Variants in EPHA3 observed in about 807,000 individuals in gnomAD.
The protein encoded by EPHA3 is EPH receptor A3, also known as ephrin type-A receptor 3.
Under a neutral mutation model 107.1 loss-of-function variants are expected in EPHA3, and 42 were observed. The observed-to-expected ratio is 0.39, with a 90% CI of 0.31 to 0.51. EPHA3 has a LOEUF of 0.51. EPHA3 is among the 20% of genes least tolerant of loss of function. The pLI, the probability that EPHA3 is intolerant of heterozygous loss-of-function variation, is 0.78. For synonymous variants in EPHA3, 461 were observed against 424.8 expected (o/e 1.09, Z -1.05); for missense variants, 1,183 against 1,211.2 (o/e 0.98, Z 0.35).
At chr3:89,399,547 A>G (rs1404060452) in intron 7 of EPHA3, 67 bp downstream of exon 7, 5 of 1,584,100 alleles carry the variant, frequency 3.2e-6, no homozygotes, top group South Asian at 1.1e-5. Flanking sequence ...CTGATCGTTT[A>G]TTCTCACTGT....
intron 3 of EPHA3, among the ~76,000 whole-genome samples, chr3:89,306,463 A>T (rs760617119): frequency 6.6e-6 from 1 of 152,190 alleles, no homozygotes; most frequent in Non-Finnish European, 1.5e-5. Flanking sequence ...TAATGTTAAC[A>T]GTGGCTTTCA....
At chr3:89,323,738 T>C (rs1018565217) in intron 3 of EPHA3, among the ~76,000 whole-genome samples, 2 of 152,118 alleles carry the variant, frequency 1.3e-5, no homozygotes, top group Non-Finnish European at 2.9e-5. Flanking sequence ...TCAGTAAAGA[T>C]AGTTTATTTT....
rs1704786717 is a variant in EPHA3, at chr3:89,155,653, A to C, written c.153+28380A>C. ...ACAAATATCATTTATAAAAGCTAAA[A>C]AGTAAAGCAAAATAACTACTGTTTT... is the stretch of plus-strand genomic sequence containing the variant. On this transcript the variant is annotated intron_variant, in intron 2 of 16. Coordinates refer to ENST00000336596, the MANE Select transcript of EPHA3 (RefSeq NM_005233.6). Among the ~76,000 whole-genome samples, 3 of 152,126 alleles carry C rather than the reference A, an allele frequency of 2.0e-5. No homozygotes were observed. The South Asian group carries it at 6.2e-4, about 31-fold the overall frequency.
intron 3 of EPHA3, among the ~76,000 whole-genome samples, chr3:89,222,407 A>G (rs1255039653): frequency 6.7e-6 from 1 of 148,204 alleles, no homozygotes; most frequent in Non-Finnish European, 1.5e-5. Context: ...ACATATATGT[A>G]CACACACATG....
At position 89,389,305 on chromosome 3, in the gene EPHA3, C is replaced by T. The variant is rs577016584; in HGVS notation, c.1307-6532C>T. 2.6e-5 allele frequency among the ~76,000 whole-genome samples: 4 copies of T among 152,266 alleles called. No homozygotes were observed. The South Asian group carries it at 8.3e-4, about 32-fold the overall frequency. On this transcript the variant is annotated intron_variant, in intron 5 of 16. Transcript: ENST00000336596. ...AAAAAACTGAGAAGGAAATGTTCCT[C>T]AGTAGGCATTGTAATGAATGGTAAA...
At chr3:89,269,517 C>A (rs1253380313) in intron 3 of EPHA3, among the ~76,000 whole-genome samples, 1 of 151,934 alleles carries the variant, frequency 6.6e-6, no homozygotes, top group African/African-American at 2.4e-5. Flanking sequence ...TTTACGTGAT[C>A]CTCAGTGATC....
Position 89,479,474 on chromosome 3 carries a change from A to C in EPHA3, c.2924A>C (p.Gln975Pro), listed in dbSNP as rs755942381. 6.2e-7 allele frequency: 1 copy of C among 1,614,136 alleles called. No individual in the cohort carries two copies. Among genetic ancestry groups the C allele is most frequent in the Non-Finnish European group, 8.5e-7 (1 of 1,180,004 alleles). The change falls in exon 17 of 17, where the codon CAA (glutamine) becomes CCA (proline). Residue 975 changes from glutamine (Q) to proline (P), a missense_variant. By Grantham distance (76) the Gln-to-Pro change is moderately conservative. Transcript: ENST00000336596. ...AGTAGCATTAAAGCTCTAGAAACGC[A>C]ATCAAAGAATGGCCCAGTTCCCGTG... ...IISSIKALET[Q>P]SKNGPVPV
At chr3:89,432,409 G>T (rs1210701285) in intron 13 of EPHA3, among the ~76,000 whole-genome samples, 11 of 151,770 alleles carry the variant, frequency 7.2e-5, no homozygotes, top group African/African-American at 2.2e-4. Context: ...TTTAGGCAGG[G>T]TCTCACTCTG....
chr3:89,401,906 C>A (rs190883588), intron 7 of EPHA3, among the ~76,000 whole-genome samples: 9 of 152,284 alleles, frequency 5.9e-5, no homozygotes, highest in African/African-American at 1.9e-4. Context: ...TTTGAAATAA[C>A]AGCAATAACA....
intron 3 of EPHA3, among the ~76,000 whole-genome samples, chr3:89,231,593 C>G (rs936855319): frequency 1.3e-5 from 2 of 152,218 alleles, no homozygotes; most frequent in South Asian, 4.1e-4. Context: ...AGATGGATAA[C>G]CTGGTGATCC....
chr3:89,228,985 TAAGCCG>T (rs1269116085), intron 3 of EPHA3, among the ~76,000 whole-genome samples: 4 of 151,988 alleles, frequency 2.6e-5, no homozygotes, highest in African/African-American at 9.7e-5. Context: ...TGACTATGTT[TAAGCCG>T]AAGCTCTTAA....
At chr3:89,178,427 T>A (rs1374435761) in intron 2 of EPHA3, among the ~76,000 whole-genome samples, 4 of 152,034 alleles carry the variant, frequency 2.6e-5, no homozygotes, top group Admixed American at 2.0e-4. Context: ...AGGAAGGAAT[T>A]AGAAATAGGA....
At chr3:89,283,762 G>A (rs1234465504) in intron 3 of EPHA3, among the ~76,000 whole-genome samples, 2 of 152,100 alleles carry the variant, frequency 1.3e-5, no homozygotes, top group African/African-American at 4.8e-5. Context: ...AAACATGGAG[G>A]TGCTCACTTT....
Position 89,281,365 on chromosome 3 carries a change from A to G in EPHA3, c.815-59551A>G, listed in dbSNP as rs987815796. ...TAGCTGTTTTACATATGAGAAAATC[A>G]GAGAGGGTAAGTATCTTGCCCAAGA... is the stretch of plus-strand genomic sequence containing the variant. On this transcript the variant is annotated intron_variant, in intron 3 of 16. Coordinates refer to ENST00000336596, the MANE Select transcript of EPHA3 (RefSeq NM_005233.6). 7.5e-4 allele frequency among the ~76,000 whole-genome samples: 114 copies of G among 152,156 alleles called. 2 individuals carry two copies. The highest frequency in any genetic ancestry group is 1.9e-4 in the Non-Finnish European group (13 of 68,024).
At chr3:89,419,449 C>A in intron 11 of EPHA3, 59 bp downstream of exon 11, 3 of 1,410,334 alleles carry the variant, frequency 2.1e-6, no homozygotes, top group South Asian at 1.6e-5. Flanking sequence ...TTGTTTAAAC[C>A]CAACCCCAAC....
At chr3:89,346,465 G>C (rs1427995290) in intron 5 of EPHA3, among the ~76,000 whole-genome samples, 5 of 147,608 alleles carry the variant, frequency 3.4e-5, no homozygotes, top group Non-Finnish European at 1.5e-5. Context: ...TGATGGGGTT[G>C]TTTGTTTTTT....
chr3:89,395,702 T>A, intron 5 of EPHA3, 135 bp from the exon 6 acceptor site: 1 of 1,047,500 alleles, frequency 9.5e-7, no homozygotes, highest in South Asian at 1.6e-5. Flanking sequence ...ATGGAAATAG[T>A]GCTTTCTTGC....
chr3:89,114,688 T>C lies in EPHA3; in HGVS notation c.88+6852T>C, dbSNP rs574474911. Reference sequence around the variant, plus strand: ...GCCCCCGGGCGGACGGTGTAGACTCTGTAGCGAGCGGAGAGCGAAGGTGCA... The same window carrying C: ...GCCCCCGGGCGGACGGTGTAGACTCCGTAGCGAGCGGAGAGCGAAGGTGCA... On this transcript the variant is annotated intron_variant, in intron 1 of 16. Coordinates refer to ENST00000336596, the MANE Select transcript of EPHA3 (RefSeq NM_005233.6). Among the ~76,000 whole-genome samples the C allele has an allele frequency of 2.0e-5, 3 of 152,082 alleles. No individual in the cohort carries two copies. In the South Asian group the frequency reaches 6.2e-4, roughly 32 times the overall value.
At position 89,481,790 on chromosome 3, in the gene EPHA3, G is replaced by T; in HGVS notation, c.*2288G>T. ...GAGTAGAGGTACTAGAATGCTTACG[G>T]CCATCTCTTTGTACAGGAACTGCAT... On this transcript the variant is annotated 3_prime_UTR_variant, in exon 17 of 17. Coordinates refer to ENST00000336596, the MANE Select transcript of EPHA3 (RefSeq NM_005233.6). 4.3e-6 allele frequency: 1 copy of T among 231,816 alleles called. No homozygotes were observed. Among genetic ancestry groups the T allele is most frequent in the East Asian group, 6.1e-5 (1 of 16,312 alleles). The allele number at this position is 231,816 out of a possible 1,614,324, so 14.4% of individuals were successfully genotyped here. A position where few individuals can be genotyped will look rare whatever the true frequency, so the allele number is the denominator to read the frequency against.
Sources: gnomAD v4.1 joint callset for allele counts (sites outside exome capture counted in the v4.1 genomes callset) on GRCh38, gnomAD v4.1.1 for gene constraint, MANE v1.5 for transcripts, NCBI Gene and HGNC (gene_info 2026-07-23, HGNC 2026-07-21) for gene names.